ROCK2: variants seen among roughly 807,000 people sequenced by gnomAD.
The protein encoded by ROCK2 is Rho associated coiled-coil containing protein kinase 2, also known as rho-associated protein kinase 2.
In ROCK2, 61 loss-of-function variants were observed where a neutral mutation model predicts 195.1. The ratio of observed to expected loss-of-function variants is 0.31; its 90% CI spans 0.25 to 0.39. ROCK2 has a LOEUF of 0.39. Ranked by LOEUF, ROCK2 falls within the 10% of genes least tolerant of loss-of-function variation. The probability of loss-of-function intolerance (pLI) is 1.00; values close to 1 mark genes in which losing one functional copy is unlikely to be tolerated. For missense variants in ROCK2, 1,109 were observed against 1,637.4 expected (o/e 0.68, Z 5.57); for synonymous variants, 504 against 545.5 (o/e 0.92, Z 1.06).
At chr2:11,266,091 C>T (rs1666404359) in intron 3 of ROCK2, among the ~76,000 whole-genome samples, 1 of 152,204 alleles carries the variant, frequency 6.6e-6, no homozygotes, top group African/African-American at 2.4e-5. Context: ...TCACTGTCTT[C>T]CACCTCTACA....
chr2:11,205,664 T>C (rs1202421041), intron 20 of ROCK2, among the ~76,000 whole-genome samples: 3 of 151,864 alleles, frequency 2.0e-5, no homozygotes, highest in Non-Finnish European at 4.4e-5. Flanking sequence ...GAATAACTAA[T>C]GATAAAATGC....
At chr2:11,322,903 T>C (rs970438348) in intron 1 of ROCK2, among the ~76,000 whole-genome samples, 1 of 152,140 alleles carries the variant, frequency 6.6e-6, no homozygotes, top group African/African-American at 2.4e-5. Context: ...GTTTTAAAGA[T>C]AAGTTCTTAA....
At chr2:11,251,885 T>C (rs1665841897) in intron 3 of ROCK2, among the ~76,000 whole-genome samples, 1 of 152,132 alleles carries the variant, frequency 6.6e-6, no homozygotes, top group Non-Finnish European at 1.5e-5. Flanking sequence ...AAAGAAGACA[T>C]TTATGCAGCC....
At chr2:11,311,245 T>C (rs1668025850) in intron 1 of ROCK2, among the ~76,000 whole-genome samples, 1 of 152,118 alleles carries the variant, frequency 6.6e-6, no homozygotes, top group Non-Finnish European at 1.5e-5. Context: ...GCCAAACGAA[T>C]TTATTTTTAA....
intron 4 of ROCK2, among the ~76,000 whole-genome samples, chr2:11,245,662 C>A (rs753023442): frequency 6.6e-6 from 1 of 152,140 alleles, no homozygotes; most frequent in Non-Finnish European, 1.5e-5. Context: ...TCAAGAGCAG[C>A]AAATGTTTAA....
rs747913278 is a variant in ROCK2 at position 11,215,632 on chromosome 2, T to C, written c.1475A>G (p.Lys492Arg). The C allele has an allele frequency of 1.9e-6, 3 of 1,602,252 alleles. No homozygotes were observed. The highest frequency in any genetic ancestry group is 2.3e-5 in the South Asian group (2 of 87,438). Residue 492 changes from lysine to arginine, a missense_variant, in exon 14 of 33, where the codon AAA becomes AGA. Around this residue, in one of 6 missense-constraint regions of ROCK2, gnomAD observed 542 missense variants for 672.0 expected, o/e 0.81. Transcript: ENST00000315872. ...CTGTCTTAATGCTGATTCCACACTT[T>C]TCCGTAAGGTAATCTGAAATAATGC... The part of the protein sequence containing the change: ...KELEEEITLR[K>R]SVESALRQLE...
At chr2:11,187,237 T>G (rs1390535260) in intron 32 of ROCK2, among the ~76,000 whole-genome samples, 4 of 152,214 alleles carry the variant, frequency 2.6e-5, no homozygotes, top group Non-Finnish European at 5.9e-5. Context: ...AACCACAGTC[T>G]GAAAACATTA....
chr2:11,222,964 A>G (rs1255082123), intron 7 of ROCK2, among the ~76,000 whole-genome samples: 1 of 152,148 alleles, frequency 6.6e-6, no homozygotes, highest in Non-Finnish European at 1.5e-5. Flanking sequence ...CCTTTCATTA[A>G]CATAAAACAG....
chr2:11,312,334 T>C (rs1668062380), intron 1 of ROCK2, among the ~76,000 whole-genome samples: 1 of 152,126 alleles, frequency 6.6e-6, no homozygotes. Flanking sequence ...TGATAAGTTT[T>C]GTCAATATGT....
intron 28 of ROCK2, among the ~76,000 whole-genome samples, chr2:11,194,611 C>T (rs1294195110): frequency 6.6e-6 from 1 of 151,808 alleles, no homozygotes; most frequent in Non-Finnish European, 1.5e-5. Flanking sequence ...TCATTAGTAA[C>T]CTTCTCAAAA....
At chr2:11,294,225 G>A (rs1451760575) in intron 1 of ROCK2, among the ~76,000 whole-genome samples, 1 of 152,014 alleles carries the variant, frequency 6.6e-6, no homozygotes, top group Non-Finnish European at 1.5e-5. Flanking sequence ...AAAGGAAAGA[G>A]CAAAAAATCA....
chr2:11,227,203 TA>T, intron 6 of ROCK2, 50 bp downstream of exon 6: 1 of 1,477,600 alleles, frequency 6.8e-7, no homozygotes. Context: ...TTGACTGAAA[TA>T]AAGTATTATA....
chr2:11,296,664 C>T (rs554802765), intron 1 of ROCK2, among the ~76,000 whole-genome samples: 3 of 152,228 alleles, frequency 2.0e-5, no homozygotes, highest in Non-Finnish European at 4.4e-5. Flanking sequence ...TACACTTTAA[C>T]GTCTAAACCT....
chr2:11,330,777 GGGAAGAGGAGGAGA>G (rs1668705623), intron 1 of ROCK2, among the ~76,000 whole-genome samples: 1 of 72,762 alleles, frequency 1.4e-5, no homozygotes, highest in African/African-American at 5.2e-5. Context: ...GGAGGAGGGA[GGGAAGAGGAGGAGA>G]GAGGAGGGAG....
intron 1 of ROCK2, among the ~76,000 whole-genome samples, chr2:11,333,030 A>G (rs1230947616): frequency 6.6e-6 from 1 of 152,184 alleles, no homozygotes; most frequent in Non-Finnish European, 1.5e-5. Flanking sequence ...TTGACTGCAA[A>G]TAAGATCAAG....
intron 1 of ROCK2, among the ~76,000 whole-genome samples, chr2:11,317,612 A>ATATATATATATATATATTT (rs59701503): frequency 1.6e-4 from 3 of 19,306 alleles, no homozygotes; most frequent in African/African-American, 4.8e-4. Context: ...ATATATATAT[A>ATATATATATATATATATTT]TTTTTTTTTT....
At chr2:11,316,161 T>C (rs1474661971) in intron 1 of ROCK2, among the ~76,000 whole-genome samples, 1 of 152,034 alleles carries the variant, frequency 6.6e-6, no homozygotes, top group Non-Finnish European at 1.5e-5. Context: ...TGGGTAACTA[T>C]TGTAAAGGCA....
intron 3 of ROCK2, among the ~76,000 whole-genome samples, chr2:11,251,537 G>A (rs1308090151): frequency 6.6e-6 from 1 of 152,282 alleles, no homozygotes; most frequent in African/African-American, 2.4e-5. Context: ...AGACTTAAAT[G>A]TAAGACCTAA....
At chr2:11,238,944 C>T (rs950447124) in intron 4 of ROCK2, among the ~76,000 whole-genome samples, 1 of 150,612 alleles carries the variant, frequency 6.6e-6, no homozygotes, top group African/African-American at 2.4e-5. Flanking sequence ...AATTTGTTGA[C>T]AAAGGTGCCA....
Sources: gnomAD v4.1 joint callset for allele counts (sites outside exome capture counted in the v4.1 genomes callset) on GRCh38, gnomAD v4.1.1 for gene constraint, gnomAD v4.1.1 regional missense constraint, MANE v1.5 for transcripts, NCBI Gene and HGNC (gene_info 2026-07-23, HGNC 2026-07-21) for gene names.